Variants in FAM118A observed in about 807,000 individuals in gnomAD.
FAM118A encodes the protein SIR2 antiphage like 2, also known as protein FAM118A.
A neutral mutation model predicts 38.2 loss-of-function variants in FAM118A; 25 were observed. The observed-to-expected ratio is 0.65, with a 90% CI of 0.48 to 0.91. FAM118A has a LOEUF of 0.91. Among genes scored for constraint, FAM118A ranks in the 40% least tolerant of loss-of-function variants. The probability of loss-of-function intolerance (pLI) is 0.00; values close to 1 mark genes in which losing one functional copy is unlikely to be tolerated. For missense variants in FAM118A, 425 were observed against 463.3 expected (o/e 0.92, Z 0.76); for synonymous variants, 178 against 184.1 (o/e 0.97, Z 0.27).
At chr22:45,339,558 T>C (rs1372229470) in intron 8 of FAM118A, among the ~76,000 whole-genome samples, 1 of 152,184 alleles carries the variant, frequency 6.6e-6, no homozygotes, top group Non-Finnish European at 1.5e-5. Context: ...AACCATCATA[T>C]AAGTAAAAAC....
intron 1 of FAM118A, among the ~76,000 whole-genome samples, chr22:45,317,403 T>G (rs2084653122): frequency 6.6e-6 from 1 of 152,230 alleles, no homozygotes; most frequent in Non-Finnish European, 1.5e-5. Flanking sequence ...AAGGTTTTCT[T>G]AAAGGATACT....
chr22:45,330,582 T>C (rs1191915863), intron 4 of FAM118A, 21 bp from the exon 5 acceptor site: 1 of 1,503,712 alleles, frequency 6.7e-7, no homozygotes. Context: ...TGTTTCTTTT[T>C]CTTGGCTTGA....
At chr22:45,314,182 T>A (rs908148547) in intron 1 of FAM118A, among the ~76,000 whole-genome samples, 3 of 152,168 alleles carry the variant, frequency 2.0e-5, no homozygotes, top group African/African-American at 7.2e-5. Flanking sequence ...GTAGCATTGT[T>A]CCTCCATGTG....
In FAM118A at chr22:45,322,437, G is replaced by A. The variant is rs762132526; in HGVS notation, c.47+11G>A. 1.2e-6 allele frequency: 2 copies of A among 1,606,826 alleles called. No individual in the cohort carries two copies. The highest frequency in any genetic ancestry group is 1.7e-4 in the Middle Eastern group (1 of 6,034). On this transcript the variant is annotated intron_variant, in intron 2 of 8. Coordinates refer to ENST00000441876, the MANE Select transcript of FAM118A (RefSeq NM_017911.4). ...TGAACAAAAATCCAGGTAATTAAAG[G>A]CAACTATACCTTCAAGCAGCTTCAT...
chr22:45,334,024 G>A (rs185129813), intron 6 of FAM118A, among the ~76,000 whole-genome samples: 17 of 152,262 alleles, frequency 1.1e-4, no homozygotes, highest in African/African-American at 3.6e-4. Flanking sequence ...TACTGCAGTT[G>A]AAAAGTTACA....
At chr22:45,321,249 C>T (rs1207779342) in intron 1 of FAM118A, among the ~76,000 whole-genome samples, 1 of 151,968 alleles carries the variant, frequency 6.6e-6, no homozygotes, top group African/African-American at 2.4e-5. Context: ...CCCTTGTAAA[C>T]ATTTTTAAAA....
chr22:45,320,609 A>G (rs967692171), intron 1 of FAM118A, among the ~76,000 whole-genome samples: 1 of 151,852 alleles, frequency 6.6e-6, no homozygotes, highest in African/African-American at 2.4e-5. Context: ...TAATTTTTGT[A>G]TTTTTTGTAG....
chr22:45,322,730 T>C (rs1341413772), intron 2 of FAM118A, among the ~76,000 whole-genome samples: 1 of 152,230 alleles, frequency 6.6e-6, no homozygotes, highest in Admixed American at 6.5e-5. Context: ...AGCTTGTGTT[T>C]GCTATAAAGT....
At chr22:45,337,958 G>A in intron 8 of FAM118A, 1 of 924,744 alleles carries the variant, frequency 1.1e-6, no homozygotes. Context: ...CCTGTTCCCA[G>A]TGATTTGAAG....
At chr22:45,309,316 C>G (rs1569113264), upstream of FAM118A, 1 of 152,220 alleles carries the variant, frequency 6.6e-6, no homozygotes, top group Non-Finnish European at 1.5e-5. Flanking sequence ...GTGCTGGCTT[C>G]TGGGAACCCC....
chr22:45,335,963 C>T (rs998517397), intron 7 of FAM118A, among the ~76,000 whole-genome samples: 8 of 152,202 alleles, frequency 5.3e-5, no homozygotes, highest in African/African-American at 1.7e-4. Context: ...GGCCTCTGTG[C>T]GCAGCCCTGT....
rs1022720968 is a variant in FAM118A at position 45,310,889 on chromosome 22, TCTC to T, written c.-10+712_-10+714del. 7.9e-5 allele frequency among the ~76,000 whole-genome samples: 12 copies of T among 152,280 alleles called. No homozygotes were observed. In the East Asian group the frequency reaches 1.5e-3, roughly 20 times the overall value. On this transcript the variant is annotated intron_variant, in intron 1 of 8. Transcript: ENST00000441876. ...GGCACATGGGGACGCTTTTAGGTTG[TCTC>T]CTCCTTAATTTTTTCATTCAAGGAA...
At chr22:45,312,259 A>C (rs563120442) in intron 1 of FAM118A, among the ~76,000 whole-genome samples, 4 of 152,278 alleles carry the variant, frequency 2.6e-5, no homozygotes, top group African/African-American at 7.2e-5. Context: ...AAATCTCGCA[A>C]GTTGAGGGCT....
At chr22:45,328,448 C>A in intron 4 of FAM118A, 2 of 928,800 alleles carry the variant, frequency 2.2e-6, no homozygotes, top group Non-Finnish European at 3.7e-6. Flanking sequence ...GCCCTGGGAG[C>A]TGCTCTCACT....
rs1198900007 is a variant in FAM118A, at chr22:45,330,710, C to T, written c.630C>T (p.Val210=). 1 of 1,582,758 alleles carries T rather than the reference C, an allele frequency of 6.3e-7. No homozygotes were observed. The highest frequency in any genetic ancestry group is 1.4e-5 in the African/African-American group (1 of 73,502). Residue 210 remains valine (V), a synonymous_variant, in exon 5 of 9, where the codon GTC becomes GTT. Coordinates refer to ENST00000441876, the MANE Select transcript of FAM118A (RefSeq NM_017911.4). ...VVLDPSGYKD[V]TQDAEVMEVL... The stretch of plus-strand genomic sequence containing the variant: ...TGGACCCATCGGGGTATAAAGACGT[C>T]ACTCAAGACGCAGAAGTCATGGTAC...
chr22:45,320,850 T>G (rs2084835643), intron 1 of FAM118A, among the ~76,000 whole-genome samples: 1 of 152,202 alleles, frequency 6.6e-6, no homozygotes, highest in African/African-American at 2.4e-5. Flanking sequence ...TATTTTACAG[T>G]GTTCATACTC....
At chr22:45,317,115 A>C (rs1382696332) in intron 1 of FAM118A, among the ~76,000 whole-genome samples, 2 of 152,188 alleles carry the variant, frequency 1.3e-5, no homozygotes, top group Non-Finnish European at 2.9e-5. Flanking sequence ...AGTGGCTCAC[A>C]CCTGTAATCC....
intron 1 of FAM118A, among the ~76,000 whole-genome samples, chr22:45,312,256 G>T (rs2084402577): frequency 6.6e-6 from 1 of 152,092 alleles, no homozygotes; most frequent in African/African-American, 2.4e-5. Context: ...ATCAAATCTC[G>T]CAAGTTGAGG....
At chr22:45,324,952 C>A (rs1213188691) in intron 3 of FAM118A, among the ~76,000 whole-genome samples, 1 of 152,186 alleles carries the variant, frequency 6.6e-6, no homozygotes, top group Non-Finnish European at 1.5e-5. Flanking sequence ...GAGGCTGAGG[C>A]AGGAGAATCG....
Sources: gnomAD v4.1 joint callset for allele counts (sites outside exome capture counted in the v4.1 genomes callset) on GRCh38, gnomAD v4.1.1 for gene constraint, MANE v1.5 for transcripts, NCBI Gene and HGNC (gene_info 2026-07-23, HGNC 2026-07-21) for gene names.